MAGI2: variants seen among roughly 807,000 people sequenced by gnomAD.
MAGI2 encodes the protein membrane associated guanylate kinase, WW and PDZ domain containing 2, also known as membrane-associated guanylate kinase, WW and PDZ domain-containing protein 2.
MAGI2 carries 35 observed loss-of-function variants against 133.3 expected under a neutral mutation model. That is an observed-to-expected ratio of 0.26 (90% CI 0.20 to 0.35). The LOEUF is 0.35. Among genes scored for constraint, MAGI2 ranks in the 10% least tolerant of loss-of-function variants. The pLI is 1.00. For synonymous variants in MAGI2, 729 were observed against 710.6 expected, an observed-to-expected ratio of 1.03 and a Z score of -0.41; for missense variants, 1,636 against 1,863.4, an observed-to-expected ratio of 0.88 and a Z score of 2.25.
In MAGI2 at chr7:78,817,929, A is replaced by C. The variant is rs535883898; in HGVS notation, c.418+189161T>G. On this transcript the variant is annotated intron_variant, in intron 2 of 21. Transcript: ENST00000354212. ...TCTCACCACGTTGGTCAGCCTGGAA[A>C]CATAACTTTTATACATATTGGGAAA... Among the ~76,000 whole-genome samples the C allele has an allele frequency of 2.6e-5, 4 of 152,168 alleles. No homozygotes were observed. The South Asian group carries it at 8.3e-4, about 32-fold the overall frequency.
chr7:78,472,420 A>T (rs1363656960), intron 6 of MAGI2, among the ~76,000 whole-genome samples: 1 of 151,906 alleles, frequency 6.6e-6, no homozygotes, highest in African/African-American at 2.4e-5. Flanking sequence ...ACTTGATAAT[A>T]TTTACTAGAT....
chr7:79,171,768 A>ATTTTTTT (rs1169292477), intron 1 of MAGI2, among the ~76,000 whole-genome samples: 1 of 20,894 alleles, frequency 4.8e-5, no homozygotes. Flanking sequence ...ATATATATAT[A>ATTTTTTT]TATTTTTTTT....
At chr7:78,165,385 G>A (rs1384359556) in intron 15 of MAGI2, among the ~76,000 whole-genome samples, 1 of 151,982 alleles carries the variant, frequency 6.6e-6, no homozygotes, top group East Asian at 1.9e-4. Flanking sequence ...TAATATTTGG[G>A]GCAAGTTTTT....
At chr7:78,971,819 G>T (rs1803814300) in intron 2 of MAGI2, among the ~76,000 whole-genome samples, 2 of 151,932 alleles carry the variant, frequency 1.3e-5, no homozygotes, top group Admixed American at 6.6e-5. Context: ...CATCAGGCTA[G>T]ATGAGAAAAT....
At chr7:78,356,671 G>A (rs1792115156) in intron 7 of MAGI2, among the ~76,000 whole-genome samples, 1 of 152,168 alleles carries the variant, frequency 6.6e-6, no homozygotes, top group South Asian at 2.1e-4. Context: ...GTAACAGGGT[G>A]GAACCTTGAG....
chr7:79,164,479 T>C (rs1562954979), intron 1 of MAGI2, among the ~76,000 whole-genome samples: 1 of 151,994 alleles, frequency 6.6e-6, no homozygotes, highest in Non-Finnish European at 1.5e-5. Context: ...CTCCCAATAC[T>C]GAAGAGATTA....
chr7:78,084,685 G>C (rs1322907515), intron 20 of MAGI2, among the ~76,000 whole-genome samples: 1 of 152,218 alleles, frequency 6.6e-6, no homozygotes, highest in African/African-American at 2.4e-5. Flanking sequence ...AGGAATGGAG[G>C]CTGAGTCTGA....
intron 2 of MAGI2, among the ~76,000 whole-genome samples, chr7:78,948,837 A>T (rs1002135753): frequency 2.0e-5 from 3 of 152,098 alleles, no homozygotes; most frequent in Non-Finnish European, 4.4e-5. Flanking sequence ...ATAGTTTATT[A>T]TACATATTTT....
Position 78,411,577 on chromosome 7 carries a change from G to A in MAGI2, c.1046-42364C>T, listed in dbSNP as rs542545368. Among the ~76,000 whole-genome samples, 978 of 152,040 alleles carry A rather than the reference G, an allele frequency of 6.4e-3. 10 individuals carry two copies. Among genetic ancestry groups the A allele is most frequent in the African/African-American group, 0.023 (936 of 41,512 alleles). The stretch of plus-strand genomic sequence containing the variant: ...GAAAAAACAAACCAGTTAAAATGAA[G>A]GCATTTTTTTGGTAAGCATTCTCAG... On this transcript the variant is annotated intron_variant, in intron 6 of 21. Coordinates refer to ENST00000354212, the MANE Select transcript of MAGI2 (RefSeq NM_012301.4).
intron 1 of MAGI2, among the ~76,000 whole-genome samples, chr7:79,452,619 G>A (rs1849363279): frequency 6.6e-6 from 1 of 151,958 alleles, no homozygotes; most frequent in African/African-American, 2.4e-5. Flanking sequence ...GCACCCTGAA[G>A]TTGCTCCTTC....
At chr7:79,296,202 C>T (rs970929689) in intron 1 of MAGI2, among the ~76,000 whole-genome samples, 11 of 152,176 alleles carry the variant, frequency 7.2e-5, no homozygotes, top group Non-Finnish European at 1.5e-4. Context: ...TTCTGTGATG[C>T]TATTGCTGGT....
intron 2 of MAGI2, among the ~76,000 whole-genome samples, chr7:78,785,310 C>G (rs186413904): frequency 1.4e-3 from 209 of 152,258 alleles, no homozygotes; most frequent in African/African-American, 4.9e-3. Flanking sequence ...CCAGGATTTG[C>G]AAACAAAATG....
chr7:79,399,714 G>A (rs531609653), intron 1 of MAGI2, among the ~76,000 whole-genome samples: 1 of 152,254 alleles, frequency 6.6e-6, no homozygotes, highest in South Asian at 2.1e-4. Flanking sequence ...TGCTGAAACT[G>A]TGGTTCCTCT....
chr7:78,383,677 A>C (rs1348135087), intron 6 of MAGI2, among the ~76,000 whole-genome samples: 1 of 151,766 alleles, frequency 6.6e-6, no homozygotes, highest in Admixed American at 6.6e-5. Flanking sequence ...CTTTTCTTAG[A>C]CCAGTGTCCA....
At chr7:79,248,545 A>ACC (rs1284217228) in intron 1 of MAGI2, among the ~76,000 whole-genome samples, 2 of 152,186 alleles carry the variant, frequency 1.3e-5, no homozygotes, top group Non-Finnish European at 2.9e-5. Flanking sequence ...AGAACATATC[A>ACC]CCCAATGGCT....
At chr7:78,321,044 T>C (rs562483877) in intron 9 of MAGI2, among the ~76,000 whole-genome samples, 25 of 152,146 alleles carry the variant, frequency 1.6e-4, no homozygotes, top group African/African-American at 5.8e-4. Flanking sequence ...ATAAAATACA[T>C]AGGAATCCAA....
intron 2 of MAGI2, among the ~76,000 whole-genome samples, chr7:78,729,207 T>C (rs1411625116): frequency 6.6e-6 from 1 of 152,208 alleles, no homozygotes. Context: ...ACCACTGGGA[T>C]ACAAGTTAAG....
intron 4 of MAGI2, chr7:78,518,152 T>G (rs1233636891): frequency 6.6e-6 from 1 of 152,158 alleles, no homozygotes; most frequent in Non-Finnish European, 1.5e-5. Flanking sequence ...ACTAGGAATT[T>G]TTTATACACA....
chr7:79,426,059 G>A (rs1215271262), intron 1 of MAGI2, among the ~76,000 whole-genome samples: 2 of 152,142 alleles, frequency 1.3e-5, no homozygotes, highest in South Asian at 4.1e-4. Flanking sequence ...TATTTGTCTT[G>A]ATCCCAAACT....
Sources: gnomAD v4.1 joint callset for allele counts (sites outside exome capture counted in the v4.1 genomes callset) on GRCh38, gnomAD v4.1.1 for gene constraint, MANE v1.5 for transcripts, NCBI Gene and HGNC (gene_info 2026-07-23, HGNC 2026-07-21) for gene names.